The following PLA2G4A variants were observed in gnomAD, a reference collection of about 807,000 sequenced individuals.
The protein encoded by PLA2G4A is phospholipase A2 group IVA, also known as cytosolic phospholipase A2.
A neutral mutation model predicts 81.9 loss-of-function variants in PLA2G4A; 40 were observed. The ratio of observed to expected loss-of-function variants is 0.49; its 90% CI spans 0.38 to 0.64. The LOEUF is 0.64. PLA2G4A is among the 30% of genes least tolerant of loss of function. The pLI is 0.00. For synonymous variants in PLA2G4A, 302 were observed against 296.9 expected (o/e 1.02, Z -0.18); for missense variants, 715 against 905.1 (o/e 0.79, Z 2.69).
chr1:186,860,060 G>A (rs1652740149), intron 2 of PLA2G4A, among the ~76,000 whole-genome samples: 1 of 152,038 alleles, frequency 6.6e-6, no homozygotes, highest in Non-Finnish European at 1.5e-5. Context: ...TTGGCAAATA[G>A]AATTTCTTTG....
intron 1 of PLA2G4A, among the ~76,000 whole-genome samples, chr1:186,835,756 A>G (rs1014392803): frequency 6.6e-6 from 1 of 152,198 alleles, no homozygotes; most frequent in Non-Finnish European, 1.5e-5. Context: ...ATACTGTTAT[A>G]TCCCTGGTTC....
chr1:186,869,360 T>C (rs1217559635), intron 2 of PLA2G4A, among the ~76,000 whole-genome samples: 1 of 152,160 alleles, frequency 6.6e-6, no homozygotes, highest in Non-Finnish European at 1.5e-5. Flanking sequence ...TTTTGAAAGA[T>C]TTTTATGCTT....
At chr1:186,878,911 A>G (rs1320094034) in intron 3 of PLA2G4A, among the ~76,000 whole-genome samples, 1 of 151,980 alleles carries the variant, frequency 6.6e-6, no homozygotes, top group Non-Finnish European at 1.5e-5. Flanking sequence ...TTAAATTACC[A>G]AGGACAAGTA....
intron 2 of PLA2G4A, among the ~76,000 whole-genome samples, chr1:186,859,402 T>C (rs1652715430): frequency 6.6e-6 from 1 of 152,172 alleles, no homozygotes; most frequent in Non-Finnish European, 1.5e-5. Context: ...CCAGGAGCCA[T>C]GAATTTTACA....
intron 1 of PLA2G4A, among the ~76,000 whole-genome samples, chr1:186,853,018 T>G (rs6682761): frequency 6.6e-6 from 1 of 151,654 alleles, no homozygotes; most frequent in African/African-American, 2.4e-5. Flanking sequence ...GCTTAAGAAG[T>G]AAGTGATGAA....
chr1:186,871,556 C>T (rs146626396), intron 3 of PLA2G4A, among the ~76,000 whole-genome samples: 40 of 152,146 alleles, frequency 2.6e-4, no homozygotes, highest in Non-Finnish European at 4.1e-4. Flanking sequence ...GTCATGAGAG[C>T]AAGAAGTCCT....
chr1:186,902,879 CA>C (rs72003812), intron 5 of PLA2G4A, among the ~76,000 whole-genome samples: 15,736 of 99,288 alleles, frequency 0.16, 869 homozygotes, highest in Middle Eastern at 0.29. Flanking sequence ...CTTTATTGCT[CA>C]AAAAAAAAAA....
At chr1:186,857,974 T>A (rs1338652267) in intron 2 of PLA2G4A, among the ~76,000 whole-genome samples, 1 of 152,184 alleles carries the variant, frequency 6.6e-6, no homozygotes, top group African/African-American at 2.4e-5. Context: ...GGTGAATATG[T>A]GCCACAGTTT....
At chr1:186,906,480 G>A (rs748235176) in intron 5 of PLA2G4A, among the ~76,000 whole-genome samples, 1 of 152,052 alleles carries the variant, frequency 6.6e-6, no homozygotes, top group Non-Finnish European at 1.5e-5. Context: ...GCCATGAATG[G>A]GTGTTGTATT....
At chr1:186,863,763 T>A (rs1219505367) in intron 2 of PLA2G4A, among the ~76,000 whole-genome samples, 7 of 142,624 alleles carry the variant, frequency 4.9e-5, no homozygotes, top group African/African-American at 1.9e-4. Flanking sequence ...AATATATAAT[T>A]TTTTTTTTTT....
intron 8 of PLA2G4A, among the ~76,000 whole-genome samples, chr1:186,933,297 T>C (rs911034586): frequency 6.6e-6 from 1 of 152,152 alleles, no homozygotes; most frequent in African/African-American, 2.4e-5. Flanking sequence ...TACATATTCA[T>C]TTTCTTCTTT....
chr1:186,882,432 CA>C (rs1299460074), intron 3 of PLA2G4A, among the ~76,000 whole-genome samples: 1 of 152,106 alleles, frequency 6.6e-6, no homozygotes, highest in East Asian at 1.9e-4. Context: ...GAAAACATAA[CA>C]ACATGTACAA....
intron 13 of PLA2G4A, among the ~76,000 whole-genome samples, chr1:186,955,851 A>G (rs886218080): frequency 2.7e-5 from 4 of 146,892 alleles, no homozygotes; most frequent in Non-Finnish European, 5.9e-5. Context: ...CTCCTGCCTC[A>G]GCCTCCCGAG....
chr1:186,887,272 G>T (rs1456982828), intron 3 of PLA2G4A, among the ~76,000 whole-genome samples: 1 of 152,072 alleles, frequency 6.6e-6, no homozygotes. Context: ...ACTGATGAAG[G>T]GGAAATAGGC....
chr1:186,931,227 G>C (rs563037882), intron 7 of PLA2G4A, among the ~76,000 whole-genome samples: 1 of 151,938 alleles, frequency 6.6e-6, no homozygotes, highest in Non-Finnish European at 1.5e-5. Context: ...TCTATATAAA[G>C]ATACATAAAG....
chr1:186,958,839 T>G (rs1285070770), intron 14 of PLA2G4A, among the ~76,000 whole-genome samples: 1 of 152,180 alleles, frequency 6.6e-6, no homozygotes, highest in African/African-American at 2.4e-5. Flanking sequence ...TTTATGTAGA[T>G]TTGGTGGTGT....
At chr1:186,859,497 T>C (rs1410301507) in intron 2 of PLA2G4A, among the ~76,000 whole-genome samples, 2 of 152,092 alleles carry the variant, frequency 1.3e-5, no homozygotes, top group African/African-American at 2.4e-5. Context: ...GTGAAAAAAT[T>C]CACACCTCTT....
chr1:186,829,256 C>A (rs1262570794), intron 1 of PLA2G4A, among the ~76,000 whole-genome samples: 1 of 152,198 alleles, frequency 6.6e-6, no homozygotes, highest in African/African-American at 2.4e-5. Context: ...CTTCCTGGAT[C>A]TAAATGCACT....
intron 2 of PLA2G4A, among the ~76,000 whole-genome samples, chr1:186,863,869 T>A (rs1207297231): frequency 2.6e-5 from 4 of 151,954 alleles, no homozygotes; most frequent in African/African-American, 9.7e-5. Flanking sequence ...CAAGCCATTA[T>A]CCTGTCTCAG....
Sources: gnomAD v4.1 joint callset for allele counts (sites outside exome capture counted in the v4.1 genomes callset) on GRCh38, gnomAD v4.1.1 for gene constraint, MANE v1.5 for transcripts, NCBI Gene and HGNC (gene_info 2026-07-23, HGNC 2026-07-21) for gene names.